Variants in ZNF311 observed in about 807,000 individuals in gnomAD.
The protein encoded by ZNF311 is zinc finger protein 311.
In ZNF311, 14 loss-of-function variants were observed where a neutral mutation model predicts 22.7. That is an observed-to-expected ratio of 0.62 (90% CI 0.41 to 0.96). ZNF311 has a LOEUF of 0.96. ZNF311 is among the 40% of genes least tolerant of loss of function. The probability of loss-of-function intolerance (pLI) is 0.00; values close to 1 mark genes in which losing one functional copy is unlikely to be tolerated. For missense variants in ZNF311, 731 were observed against 799.0 expected, an observed-to-expected ratio of 0.91 and a Z score of 1.03; for synonymous variants, 250 against 275.3, an observed-to-expected ratio of 0.91 and a Z score of 0.91.
At chr6:28,997,896 A>G (rs1297708537) in intron 6 of ZNF311, among the ~76,000 whole-genome samples, 2 of 152,178 alleles carry the variant, frequency 1.3e-5, no homozygotes, top group Non-Finnish European at 2.9e-5. Flanking sequence ...ATTAGCTGTT[A>G]TTGTAAGTTC....
Position 28,995,393 on chromosome 6 carries a change from T to G in ZNF311, c.1609A>C (p.Ser537Arg), listed in dbSNP as rs745927394. The G allele has an allele frequency of 3.1e-6, 5 of 1,614,098 alleles. No individual in the cohort carries two copies. Among genetic ancestry groups the G allele is most frequent in the Non-Finnish European group, 8.5e-7 (1 of 1,180,010 alleles). ...TGATTGGTCAAGTTTGACTTCCCAC[T>G]GAAAGCTTTCCCACACTCTAAACAT... ...YKCLECGKAF[S>R]GKSNLTNHRR... The change falls in exon 7 of 7, where the codon AGT becomes CGT. Residue 537 changes from serine (S) to arginine (R), a missense_variant. Coordinates refer to ENST00000377179, the MANE Select transcript of ZNF311 (RefSeq NM_001382360.1). This position sits in a 1 kb window ranked among gnomAD's most constrained non-coding sequence, Gnocchi z 4.7.
chr6:28,999,939 A>G lies in ZNF311; in HGVS notation c.183+17T>C, dbSNP rs757005653. 6.2e-7 allele frequency: 1 copy of G among 1,609,370 alleles called. No individual in the cohort carries two copies. The highest frequency in any genetic ancestry group is 8.5e-7 in the Non-Finnish European group (1 of 1,177,962). ...AGTGATGTATTTTCAAGGAGGAGGA[A>G]AGGGGCCTCAGCTCACTTGGGCCTG... On this transcript the variant is annotated intron_variant, in intron 4 of 6. Transcript: ENST00000377179.
At chr6:28,997,100 C>A (rs1225851088) in intron 6 of ZNF311, among the ~76,000 whole-genome samples, 3 of 152,212 alleles carry the variant, frequency 2.0e-5, no homozygotes. Flanking sequence ...AGGTCAGATT[C>A]TCTAATCCTG....
rs1212285833 is a variant in ZNF311, at chr6:28,999,523, C to T, written c.274G>A (p.Val92Met). The T allele has an allele frequency of 6.2e-7, 1 of 1,611,730 alleles. No homozygotes were observed. Among genetic ancestry groups the T allele is most frequent in the Admixed American group, 1.7e-5 (1 of 59,892 alleles). Residue 92 changes from valine to methionine, a missense_variant, in exon 5 of 7, where the codon GTG becomes ATG. By Grantham distance (21) the Val-to-Met change is conservative. Transcript: ENST00000377179. The stretch of plus-strand genomic sequence containing the variant: ...ATGTTCCCATAATTTTCCAACATCA[C>T]ATCCTTATAGAGATGCCTTTGAGCG... ...TYAQRHLYKD[V>M]MLENYGNMVS...
chr6:28,999,797 A>T, intron 4 of ZNF311, 159 bp downstream of exon 4: 2 of 1,238,306 alleles, frequency 1.6e-6, no homozygotes, highest in Non-Finnish European at 2.2e-6. Context: ...AATGAAAGAG[A>T]AAACAACCCA....
chr6:28,995,749 C>T lies in ZNF311; in HGVS notation c.1253G>A (p.Ser418Asn), dbSNP rs758622914. Reference sequence around the variant, plus strand: ...CCGACTGAAGGCCCTTCCACACTTGCTGCACTCATAAGGTCGTTCCCCAGT... The same window carrying T: ...CCGACTGAAGGCCCTTCCACACTTGTTGCACTCATAAGGTCGTTCCCCAGT... The part of the protein sequence containing the change: ...IHTGERPYEC[S>N]KCGRAFSRSS... The change falls in exon 7 of 7, where the codon AGC becomes AAC. Residue 418 changes from serine (S) to asparagine (N), a missense_variant. By Grantham distance (46) the Ser-to-Asn change is conservative. Coordinates refer to ENST00000377179, the MANE Select transcript of ZNF311 (RefSeq NM_001382360.1). The surrounding 1 kb of genome is among the most constrained non-coding windows in gnomAD (Gnocchi z 4.7). 2.5e-6 allele frequency: 4 copies of T among 1,613,842 alleles called. No homozygotes were observed. The Admixed American group carries it at 6.7e-5, about 27-fold the overall frequency.
intron 3 of ZNF311, among the ~76,000 whole-genome samples, chr6:29,001,322 C>T (rs1485218650): frequency 6.6e-6 from 1 of 152,106 alleles, no homozygotes; most frequent in Non-Finnish European, 1.5e-5. Flanking sequence ...TCCATTTTTA[C>T]GAAAAACCGA....
Position 28,995,366 on chromosome 6 carries a change from G to A in ZNF311, c.1636C>T (p.Arg546Ter), listed in dbSNP as rs1026552201. 3.7e-6 allele frequency: 6 copies of A among 1,613,820 alleles called. No homozygotes were observed. Among genetic ancestry groups the A allele is most frequent in the East Asian group, 2.2e-5 (1 of 44,870 alleles). The change falls in exon 7 of 7, where the codon CGA (arginine) becomes TGA (stop). Residue 546 changes from arginine to a stop codon, truncating the protein, a stop_gained. Coordinates refer to ENST00000377179, the MANE Select transcript of ZNF311 (RefSeq NM_001382360.1). LOFTEE classifies it low-confidence loss of function (END_TRUNC). The surrounding 1 kb of genome is among the most constrained non-coding windows in gnomAD (Gnocchi z 4.7). ...FSGKSNLTNH[R>*]RIHTGEKPHK... Reference sequence around the variant, plus strand: ...GGCTTCTCTCCAGTGTGAATTCTTCGATGATTGGTCAAGTTTGACTTCCCA... The same window carrying A: ...GGCTTCTCTCCAGTGTGAATTCTTCAATGATTGGTCAAGTTTGACTTCCCA...
At chr6:28,998,712 T>C in intron 6 of ZNF311, 22 bp downstream of exon 6, 1 of 1,536,980 alleles carries the variant, frequency 6.5e-7, no homozygotes, top group Non-Finnish European at 8.9e-7. Flanking sequence ...CAGAGGGAAC[T>C]GAAAGTTTCT....
chr6:28,999,730 T>C, intron 4 of ZNF311, 117 bp from the exon 5 acceptor site: 1 of 1,421,896 alleles, frequency 7.0e-7, no homozygotes, highest in Non-Finnish European at 9.3e-7. Flanking sequence ...CTCTTCCCTT[T>C]TGGTGGGTAT....
chr6:29,004,997 A>G lies in ZNF311; in HGVS notation c.-261+11T>C, dbSNP rs1412509521. 6.6e-6 allele frequency: 1 copy of G among 152,200 alleles called. No homozygotes were observed. The highest frequency in any genetic ancestry group is 1.5e-5 in the Non-Finnish European group (1 of 68,078). 9.4% of individuals were successfully genotyped at this position (152,200 alleles called of 1,614,324 possible). ...AGCCTATCCCCTCCTTCCAATCCTG[A>G]TGGGCCTTACCTTGCTTTACATGAA... On this transcript the variant is annotated intron_variant, in intron 1 of 6. Transcript: ENST00000377179.
In ZNF311 at chr6:28,995,597, T is replaced by C; in HGVS notation, c.1405A>G (p.Lys469Glu). 1 of 1,613,672 alleles carries C rather than the reference T, an allele frequency of 6.2e-7. No homozygotes were observed. Among genetic ancestry groups the C allele is most frequent in the Non-Finnish European group, 8.5e-7 (1 of 1,180,026 alleles). ...CCACACTCCTCACACCTGTAACGTT[T>C]CTCTTCAGTGTGGATCCTTCTGTGT... ...TKHRRIHTEE[K>E]RYRCEECGKA... is the part of the protein sequence containing the mutation. The change falls in exon 7 of 7, where the codon AAA becomes GAA. Residue 469 changes from lysine to glutamate, a missense_variant. Physicochemically the swap from Lys to Glu is moderately conservative, Grantham distance 56 (BLOSUM62 1). Transcript: ENST00000377179. The surrounding 1 kb of genome is among the most constrained non-coding windows in gnomAD (Gnocchi z 4.7).
At chr6:29,003,860 C>A in intron 2 of ZNF311, 86 bp downstream of exon 2, 3 of 1,612,286 alleles carry the variant, frequency 1.9e-6, no homozygotes, top group Non-Finnish European at 2.5e-6. Context: ...GTCAGACACA[C>A]CTCCACTCAC....
rs780305894 is a variant in ZNF311 at position 28,995,520 on chromosome 6, T to C, written c.1482A>G (p.Thr494=). ...CCCTGCATTGATAGGGCTTCTCCCC[T>C]GTATGCTCTCGTTCATGAGCCCTGC... ...CKRRAHEREH[T]GEKPYQCRDC... is the part of the protein sequence containing the mutation. Residue 494 remains threonine (T), a synonymous_variant, in exon 7 of 7, where the codon ACA becomes ACG. Transcript: ENST00000377179. This position sits in a 1 kb window ranked among gnomAD's most constrained non-coding sequence, Gnocchi z 4.7. 3 of 1,613,696 alleles carry C rather than the reference T, an allele frequency of 1.9e-6. No homozygotes were observed. The highest frequency in any genetic ancestry group is 2.5e-6 in the Non-Finnish European group (3 of 1,179,980).
chr6:28,997,962 T>G (rs1779862483), intron 6 of ZNF311, among the ~76,000 whole-genome samples: 1 of 152,172 alleles, frequency 6.6e-6, no homozygotes. Flanking sequence ...CGTCATATCA[T>G]GATCTTGCCC....
At chr6:28,996,695 T>C in intron 6 of ZNF311, 109 bp from the exon 7 acceptor site, 2 of 1,269,206 alleles carry the variant, frequency 1.6e-6, no homozygotes, top group Non-Finnish European at 2.1e-6. Context: ...GCTGGAAAAA[T>C]TACTAACGTT....
chr6:29,002,088 T>G (rs973023234), intron 3 of ZNF311, among the ~76,000 whole-genome samples: 1 of 152,252 alleles, frequency 6.6e-6, no homozygotes, highest in East Asian at 1.9e-4. Flanking sequence ...TAGCTTTAGC[T>G]TTAGAAATTG....
Position 29,004,230 on chromosome 6 carries a change from A to T in ZNF311, c.-260-16T>A, listed in dbSNP as rs1355653965. 2 of 1,384,636 alleles carry T rather than the reference A, an allele frequency of 1.4e-6. No homozygotes were observed. Among genetic ancestry groups the T allele is most frequent in the Non-Finnish European group, 1.9e-6 (2 of 1,072,318 alleles). The allele number at this position is 1,384,636 out of a possible 1,614,324, so 85.8% of individuals were successfully genotyped here. ...TCTTGTTTCCCTGCATATTTGGTGA[A>T]GGGAAAAGAGGAATGTGACCACAGG... On this transcript the variant is annotated splice_polypyrimidine_tract_variant and intron_variant, in intron 1 of 6. Coordinates refer to ENST00000377179, the MANE Select transcript of ZNF311 (RefSeq NM_001382360.1).
intron 3 of ZNF311, among the ~76,000 whole-genome samples, chr6:29,000,280 G>C (rs889051793): frequency 2.6e-5 from 4 of 152,160 alleles, no homozygotes; most frequent in Non-Finnish European, 5.9e-5. Flanking sequence ...CTCTTTTCCT[G>C]TCTCACCTAC....
Sources: gnomAD v4.1 joint callset for allele counts (sites outside exome capture counted in the v4.1 genomes callset) on GRCh38, gnomAD v4.1.1 for gene constraint, Gnocchi (gnomAD v3.1) non-coding constraint, MANE v1.5 for transcripts, NCBI Gene and HGNC (gene_info 2026-07-23, HGNC 2026-07-21) for gene names.